Variants in FAM13A observed in about 807,000 individuals in gnomAD.
FAM13A encodes protein FAM13A.
A neutral mutation model predicts 129.6 loss-of-function variants in FAM13A; 76 were observed. That is an observed-to-expected ratio of 0.59 (90% CI 0.49 to 0.71). The LOEUF (loss-of-function observed/expected upper bound fraction) is 0.71. Ranked by LOEUF, FAM13A falls within the 30% of genes least tolerant of loss-of-function variation. The pLI is 0.00. For missense variants in FAM13A, 1,108 were observed against 1,249.3 expected, an observed-to-expected ratio of 0.89 and a Z score of 1.70; for synonymous variants, 443 against 449.9, an observed-to-expected ratio of 0.98 and a Z score of 0.20.
At chr4:88,901,671 C>T (rs571754756) in intron 6 of FAM13A, among the ~76,000 whole-genome samples, 8 of 151,802 alleles carry the variant, frequency 5.3e-5, no homozygotes, top group Non-Finnish European at 1.0e-4. Context: ...CACTAAATGC[C>T]TAACATCACA....
intron 6 of FAM13A, among the ~76,000 whole-genome samples, chr4:88,870,665 C>T (rs948943199): frequency 6.6e-6 from 1 of 152,094 alleles, no homozygotes; most frequent in Non-Finnish European, 1.5e-5. Flanking sequence ...CCGCAGCCTG[C>T]CTCTGCAGAC....
intron 6 of FAM13A, among the ~76,000 whole-genome samples, chr4:88,872,129 A>G (rs952596947): frequency 2.0e-4 from 30 of 152,218 alleles, no homozygotes; most frequent in African/African-American, 7.2e-4. Context: ...CTGCCTTACA[A>G]GAGCTCCTGA....
chr4:88,827,284 T>C (rs1733164990), intron 7 of FAM13A, among the ~76,000 whole-genome samples: 1 of 152,226 alleles, frequency 6.6e-6, no homozygotes, highest in South Asian at 2.1e-4. Context: ...TTCATCTGTC[T>C]TTCCTCCTCG....
rs116475829 is a variant in FAM13A, at chr4:88,972,204, C to A, written c.605+18769G>T. On this transcript the variant is annotated intron_variant, in intron 4 of 23. Coordinates refer to ENST00000264344, the MANE Select transcript of FAM13A (RefSeq NM_014883.4). ...TTCTGACTTACACCATTTTCCTTCTCCCTAAGAATTTTTAACATTTCTTGC... is the reference window on the plus strand; with the variant it reads ...TTCTGACTTACACCATTTTCCTTCTACCTAAGAATTTTTAACATTTCTTGC... Among the ~76,000 whole-genome samples the A allele has an allele frequency of 5.1e-3, 774 of 152,170 alleles. 5 individuals carry two copies. Among genetic ancestry groups the A allele is most frequent in the Non-Finnish European group, 9.1e-3 (620 of 67,992 alleles).
At chr4:88,728,738 T>C in intron 23 of FAM13A, 79 bp from the exon 24 acceptor site, 2 of 1,542,608 alleles carry the variant, frequency 1.3e-6, no homozygotes, top group Admixed American at 3.4e-5. Flanking sequence ...CAAATTATCA[T>C]TGTTTAGAAA....
intron 4 of FAM13A, among the ~76,000 whole-genome samples, chr4:88,946,298 T>G (rs1755839457): frequency 6.6e-6 from 1 of 151,404 alleles, no homozygotes; most frequent in Admixed American, 6.6e-5. Context: ...AATAACTCAG[T>G]CTCCTCTGTC....
intron 7 of FAM13A, among the ~76,000 whole-genome samples, chr4:88,832,326 G>A (rs1417402708): frequency 1.3e-5 from 2 of 152,106 alleles, no homozygotes; most frequent in Admixed American, 6.5e-5. Context: ...CATAGGCATG[G>A]GCGAAGATTT....
intron 5 of FAM13A, chr4:88,937,593 T>C (rs1754051806): frequency 6.4e-6 from 1 of 155,122 alleles, no homozygotes; most frequent in Admixed American, 6.5e-5. Flanking sequence ...TATAGGTTTT[T>C]AAAATATTCT....
At chr4:88,732,582 T>C (rs1360673401) in intron 21 of FAM13A, 1 of 157,724 alleles carries the variant, frequency 6.3e-6, no homozygotes, top group Non-Finnish European at 1.4e-5. Context: ...TCATCACCAG[T>C]AACCAGTGCT....
chr4:88,809,682 T>C (rs555327505), intron 7 of FAM13A, among the ~76,000 whole-genome samples: 2 of 152,198 alleles, frequency 1.3e-5, no homozygotes, highest in South Asian at 4.1e-4. Flanking sequence ...ACATTTTCCT[T>C]TCCTTCCTTG....
intron 6 of FAM13A, among the ~76,000 whole-genome samples, chr4:88,899,088 G>T (rs1433906418): frequency 6.6e-6 from 1 of 150,768 alleles, no homozygotes; most frequent in East Asian, 1.9e-4. Flanking sequence ...GTATGTGTGT[G>T]TATGTATATA....
At chr4:88,924,371 A>G (rs889719713) in intron 5 of FAM13A, among the ~76,000 whole-genome samples, 1 of 152,176 alleles carries the variant, frequency 6.6e-6, no homozygotes, top group Non-Finnish European at 1.5e-5. Flanking sequence ...GATCAATGGA[A>G]CAGAACAGAG....
chr4:88,994,631 G>A (rs1763306993), intron 3 of FAM13A, among the ~76,000 whole-genome samples: 1 of 152,086 alleles, frequency 6.6e-6, no homozygotes, highest in African/African-American at 2.4e-5. Flanking sequence ...CTTCAGCCCA[G>A]GAGTTTGAGA....
intron 5 of FAM13A, among the ~76,000 whole-genome samples, chr4:88,920,755 G>A (rs1473198821): frequency 2.0e-5 from 3 of 152,142 alleles, no homozygotes; most frequent in African/African-American, 7.2e-5. Context: ...ACTACTCCGA[G>A]CTACAGGAGG....
At chr4:88,729,784 A>G (rs534268312) in intron 23 of FAM13A, 1 of 152,322 alleles carries the variant, frequency 6.6e-6, no homozygotes, top group East Asian at 1.9e-4. Flanking sequence ...GTAATTCTAC[A>G]TGTATAAGAT....
chr4:88,906,755 A>G (rs577752408), intron 5 of FAM13A, among the ~76,000 whole-genome samples: 1 of 152,354 alleles, frequency 6.6e-6, no homozygotes, highest in African/African-American at 2.4e-5. Flanking sequence ...TCACATACAT[A>G]TCCAGTATAG....
chr4:88,871,164 G>C (rs1741321049), intron 6 of FAM13A, among the ~76,000 whole-genome samples: 1 of 152,136 alleles, frequency 6.6e-6, no homozygotes, highest in African/African-American at 2.4e-5. Context: ...AAAGACCAAA[G>C]GTAGATAAAA....
At chr4:89,035,971 C>T (rs1431440535) in intron 1 of FAM13A, among the ~76,000 whole-genome samples, 1 of 152,128 alleles carries the variant, frequency 6.6e-6, no homozygotes, top group African/African-American at 2.4e-5. Flanking sequence ...GGATTTGAGT[C>T]ACAACCCACA....
At position 88,750,624 on chromosome 4, in the gene FAM13A, A is replaced by G. The variant is rs2149474228; in HGVS notation, c.1740T>C (p.Ala580=). ...TGTTCTCCCGCTGCCAGGAGGAGAA[A>G]GCAGGGATAGGCTCTGGAAGATAAG... ...DEKNWEEPIP[A]FSSWQRENSD... The change falls in exon 15 of 24, where the codon GCT becomes GCC. Residue 580 remains alanine (A), a synonymous_variant. Transcript: ENST00000264344. The G allele has an allele frequency of 6.2e-7, 1 of 1,611,848 alleles. No individual in the cohort carries two copies. The highest frequency in any genetic ancestry group is 8.5e-7 in the Non-Finnish European group (1 of 1,179,748).
Sources: gnomAD v4.1 joint callset for allele counts (sites outside exome capture counted in the v4.1 genomes callset) on GRCh38, gnomAD v4.1.1 for gene constraint, MANE v1.5 for transcripts, NCBI Gene and HGNC (gene_info 2026-07-23, HGNC 2026-07-21) for gene names.